Variants in USO1 observed in about 807,000 individuals in gnomAD.
USO1 encodes the protein USO1 vesicle transport factor, also known as general vesicular transport factor p115.
Under a neutral mutation model 124.5 loss-of-function variants are expected in USO1, and 57 were observed. That is an observed-to-expected ratio of 0.46 (90% CI 0.37 to 0.57). USO1 has a LOEUF of 0.57. Among genes scored for constraint, USO1 ranks in the 20% least tolerant of loss-of-function variants. The pLI is 0.00. For synonymous variants in USO1, 369 were observed against 362.8 expected (o/e 1.02, Z -0.19); for missense variants, 900 against 1,040.6 (o/e 0.86, Z 1.86).
chr4:75,749,148 T>C (rs2149151603), intron 1 of USO1, among the ~76,000 whole-genome samples: 1 of 152,228 alleles, frequency 6.6e-6, no homozygotes, highest in South Asian at 2.1e-4. Context: ...AATCAGCAAT[T>C]GTAAAGACTC....
chr4:75,733,477 TTTTG>T (rs1189143329), intron 1 of USO1, among the ~76,000 whole-genome samples: 11 of 152,142 alleles, frequency 7.2e-5, no homozygotes, highest in Admixed American at 2.0e-4. Flanking sequence ...AACATCTGTT[TTTTG>T]TTTGTTTGTT....
Position 75,724,790 on chromosome 4 carries a change from G to A in USO1, c.-30G>A. The A allele has an allele frequency of 1.2e-6, 2 of 1,612,590 alleles. No individual in the cohort carries two copies. Among genetic ancestry groups the A allele is most frequent in the Admixed American group, 1.7e-5 (1 of 59,788 alleles). On this transcript the variant is annotated 5_prime_UTR_variant, in exon 1 of 24. Transcript: ENST00000514213. ...AGTTGTCTTCTTTTTTTTCCGGAGGGGCCGGTAAACCTGGTGGCTGAACGG... is the reference window on the plus strand; with the variant it reads ...AGTTGTCTTCTTTTTTTTCCGGAGGAGCCGGTAAACCTGGTGGCTGAACGG...
intron 12 of USO1, among the ~76,000 whole-genome samples, chr4:75,791,669 T>C (rs763487954): frequency 2.6e-5 from 4 of 152,232 alleles, no homozygotes; most frequent in Admixed American, 1.3e-4. Context: ...ATTTTTTAAA[T>C]GTTTACCTTT....
At chr4:75,752,676 C>A in intron 3 of USO1, 72 bp downstream of exon 3, 1 of 397,388 alleles carries the variant, frequency 2.5e-6, no homozygotes, top group South Asian at 1.3e-4. Flanking sequence ...CATCACTATT[C>A]CAAAAGATTG....
chr4:75,764,716 T>C (rs1434265831), intron 4 of USO1, among the ~76,000 whole-genome samples: 1 of 152,226 alleles, frequency 6.6e-6, no homozygotes, highest in Non-Finnish European at 1.5e-5. Flanking sequence ...CACAAACTTT[T>C]GGCCCAAGGG....
At chr4:75,799,365 C>G (rs1237537019) in intron 13 of USO1, among the ~76,000 whole-genome samples, 2 of 152,076 alleles carry the variant, frequency 1.3e-5, no homozygotes, top group Admixed American at 6.6e-5. Flanking sequence ...TTAAACTAAT[C>G]ATATTTTAAA....
intron 1 of USO1, among the ~76,000 whole-genome samples, chr4:75,751,873 A>G (rs1430806674): frequency 6.6e-6 from 1 of 152,180 alleles, no homozygotes; most frequent in Non-Finnish European, 1.5e-5. Flanking sequence ...AAATTATTTT[A>G]TAATGAAGCG....
chr4:75,755,406 G>C (rs1244212394), intron 3 of USO1: 1 of 515,402 alleles, frequency 1.9e-6, no homozygotes, highest in Non-Finnish European at 3.9e-6. Context: ...TCTGAAATGC[G>C]TATCTTCAGT....
rs537400331 is a variant in USO1, at chr4:75,739,182, C to T, written c.67-13191C>T. Among the ~76,000 whole-genome samples the T allele has an allele frequency of 5.9e-5, 9 of 152,186 alleles. No individual in the cohort carries two copies. In the East Asian group the frequency reaches 1.4e-3, roughly 23 times the overall value. On this transcript the variant is annotated intron_variant, in intron 1 of 23. Transcript: ENST00000514213. ...TTTTTAAAGTGTTGTAAATTTTGAGCGTTAAGTAACCTTAGAGTTATTCTA... is the reference window on the plus strand; with the variant it reads ...TTTTTAAAGTGTTGTAAATTTTGAGTGTTAAGTAACCTTAGAGTTATTCTA...
intron 13 of USO1, among the ~76,000 whole-genome samples, chr4:75,796,388 T>C (rs1379075476): frequency 7.2e-6 from 1 of 138,670 alleles, no homozygotes; most frequent in Non-Finnish European, 1.5e-5. Flanking sequence ...CAGACTGGAG[T>C]GCAATGGCAC....
chr4:75,769,363 C>T (rs1721857727), intron 4 of USO1, among the ~76,000 whole-genome samples: 1 of 152,136 alleles, frequency 6.6e-6, no homozygotes, highest in Non-Finnish European at 1.5e-5. Context: ...GGTAATTAAT[C>T]AACTGGAAAA....
chr4:75,760,632 G>C, intron 4 of USO1: 1 of 397,652 alleles, frequency 2.5e-6, no homozygotes, highest in East Asian at 3.6e-5. Flanking sequence ...ACATCTGCAT[G>C]ATGCTTTTAG....
chr4:75,767,128 CT>C (rs1283661688), intron 4 of USO1, among the ~76,000 whole-genome samples: 1 of 152,152 alleles, frequency 6.6e-6, no homozygotes, highest in Non-Finnish European at 1.5e-5. Context: ...TCCTCCCCAT[CT>C]CCCCAACCTC....
At chr4:75,751,939 T>G (rs1266799319) in intron 1 of USO1, among the ~76,000 whole-genome samples, 1 of 152,154 alleles carries the variant, frequency 6.6e-6, no homozygotes, top group Non-Finnish European at 1.5e-5. Flanking sequence ...AAGTTTTGAC[T>G]TCTTCTTGTT....
chr4:75,775,454 A>G lies in USO1; in HGVS notation c.676+658A>G, dbSNP rs190732956. Among the ~76,000 whole-genome samples the G allele has an allele frequency of 2.7e-3, 404 of 152,236 alleles. 3 individuals carry two copies. The highest frequency in any genetic ancestry group is 8.9e-3 in the South Asian group (43 of 4,826). ...CTTGGGAGGCTGAGAAACGAGAATC[A>G]CTTGAACCCGGGAGGTGGAGATTGC... is the stretch of plus-strand genomic sequence containing the variant. On this transcript the variant is annotated intron_variant, in intron 8 of 23. Transcript: ENST00000514213.
intron 1 of USO1, among the ~76,000 whole-genome samples, chr4:75,731,234 A>G (rs1720621763): frequency 6.6e-6 from 1 of 152,158 alleles, no homozygotes; most frequent in Non-Finnish European, 1.5e-5. Context: ...TTGCTGTTTT[A>G]ATAAAGTCTT....
Position 75,739,339 on chromosome 4 carries a change from A to T in USO1, c.67-13034A>T, listed in dbSNP as rs898389306. ...TCACTAAAATATATTTGTATCGCACAAATCAGTACTTTGAGCACTTTATGG... is the reference window on the plus strand; with the variant it reads ...TCACTAAAATATATTTGTATCGCACTAATCAGTACTTTGAGCACTTTATGG... On this transcript the variant is annotated intron_variant, in intron 1 of 23. Coordinates refer to ENST00000514213, the MANE Select transcript of USO1 (RefSeq NM_003715.4). Among the ~76,000 whole-genome samples, 5 of 152,242 alleles carry T rather than the reference A, an allele frequency of 3.3e-5. No individual in the cohort carries two copies. In the East Asian group the frequency reaches 7.7e-4, roughly 23 times the overall value.
At chr4:75,783,333 A>G (rs943906563) in intron 9 of USO1, among the ~76,000 whole-genome samples, 2 of 152,196 alleles carry the variant, frequency 1.3e-5, no homozygotes. Context: ...CCCAAAGATG[A>G]TTAGTCTGAG....
In USO1 at chr4:75,813,409, C is replaced by A; in HGVS notation, c.*114C>A. The A allele has an allele frequency of 1.8e-6, 2 of 1,114,054 alleles. No homozygotes were observed. The highest frequency in any genetic ancestry group is 1.2e-6 in the Non-Finnish European group (1 of 841,302). The allele number at this position is 1,114,054 out of a possible 1,614,324, so 69.0% of individuals were successfully genotyped here. ...TTAGAAACCAGGTGGAAAACATTCA[C>A]TATTAAGACTATTGATATATTTTTG... On this transcript the variant is annotated 3_prime_UTR_variant, in exon 24 of 24. Transcript: ENST00000514213.
Sources: allele counts gnomAD v4.1 joint callset (sites outside exome capture counted in the v4.1 genomes callset), GRCh38; gene constraint gnomAD v4.1.1; transcripts MANE v1.5; gene names NCBI Gene and HGNC (gene_info 2026-07-23, HGNC 2026-07-21).